Variants in ZFPM2 observed in about 807,000 individuals in gnomAD.
The protein encoded by ZFPM2 is zinc finger protein, FOG family member 2.
Under a neutral mutation model 98.6 loss-of-function variants are expected in ZFPM2, and 20 were observed. That is an observed-to-expected ratio of 0.20 (90% CI 0.14 to 0.29). The LOEUF (loss-of-function observed/expected upper bound fraction) is 0.29, where lower values mean the gene tolerates loss of function less well. ZFPM2 is among the 10% of genes least tolerant of loss of function. ZFPM2 has a pLI of 1.00. For synonymous variants in ZFPM2, 518 were observed against 502.7 expected, an observed-to-expected ratio of 1.03 and a Z score of -0.41; for missense variants, 1,310 against 1,388.6, an observed-to-expected ratio of 0.94 and a Z score of 0.90.
chr8:105,792,503 C>T (rs1410520824), intron 6 of ZFPM2, among the ~76,000 whole-genome samples: 1 of 152,154 alleles, frequency 6.6e-6, no homozygotes, highest in Non-Finnish European at 1.5e-5. Context: ...TAGAGCTTTA[C>T]TTCCAACTGT....
chr8:105,427,697 G>C (rs528280539), intron 2 of ZFPM2, among the ~76,000 whole-genome samples: 1 of 152,178 alleles, frequency 6.6e-6, no homozygotes, highest in Non-Finnish European at 1.5e-5. Context: ...ATGAATTTAA[G>C]TATAGTAATA....
intron 5 of ZFPM2, among the ~76,000 whole-genome samples, chr8:105,727,381 CATAA>C (rs969335035): frequency 6.2e-4 from 94 of 151,678 alleles, no homozygotes; most frequent in African/African-American, 2.0e-3. Flanking sequence ...TACATAAATA[CATAA>C]ATAAATAAAG....
chr8:105,757,942 C>T (rs1376273238), intron 5 of ZFPM2, among the ~76,000 whole-genome samples: 1 of 152,090 alleles, frequency 6.6e-6, no homozygotes, highest in African/African-American at 2.4e-5. Context: ...GCTTTTATAA[C>T]CATATCCACA....
intron 1 of ZFPM2, among the ~76,000 whole-genome samples, chr8:105,392,312 T>C (rs1229768353): frequency 3.9e-5 from 6 of 152,348 alleles, no homozygotes; most frequent in Non-Finnish European, 7.4e-5. Context: ...TCAGTGCTTT[T>C]ATCTATTCAT....
chr8:105,344,849 G>T (rs1241789336), intron 1 of ZFPM2, among the ~76,000 whole-genome samples: 1 of 152,030 alleles, frequency 6.6e-6, no homozygotes, highest in African/African-American at 2.4e-5. Context: ...TTTAGTTGAA[G>T]AAATCATTAA....
At chr8:105,436,922 A>G (rs80159929) in intron 2 of ZFPM2, among the ~76,000 whole-genome samples, 2,441 of 152,296 alleles carry the variant, frequency 0.016, 57 homozygotes, top group African/African-American at 0.056. Context: ...TACCTTATTC[A>G]TCTTTATGAT....
rs1427912137 is a variant in ZFPM2 at position 105,639,793 on chromosome 8, C to T, written c.532+5436C>T. Among the ~76,000 whole-genome samples the T allele has an allele frequency of 3.3e-5, 5 of 151,938 alleles. No homozygotes were observed. The East Asian group carries it at 5.8e-4, about 18-fold the overall frequency. On this transcript the variant is annotated intron_variant, in intron 5 of 7. Transcript: ENST00000407775. The stretch of plus-strand genomic sequence containing the variant: ...GCATATAGTGATATCGTATTTATAG[C>T]GAAGACTTCTACAAGTCTTATTCAG...
chr8:105,442,274 G>T (rs1488000346), intron 2 of ZFPM2, among the ~76,000 whole-genome samples: 1 of 152,114 alleles, frequency 6.6e-6, no homozygotes, highest in East Asian at 1.9e-4. Context: ...AACTCAGGAG[G>T]TGGAGCTTGC....
Position 105,370,301 on chromosome 8 carries a change from G to A in ZFPM2, c.41-48843G>A, listed in dbSNP as rs1294621153. On this transcript the variant is annotated intron_variant, in intron 1 of 7. Transcript: ENST00000407775. ...TCAATAAGTATTAGTTCTTTCTAAT[G>A]GATAGACATTTTTTAAGGGAGGTAA... is the stretch of plus-strand genomic sequence containing the variant. 2.6e-5 allele frequency among the ~76,000 whole-genome samples: 4 copies of A among 152,142 alleles called. No homozygotes were observed. The East Asian group carries it at 7.7e-4, about 29-fold the overall frequency.
At chr8:105,725,435 T>A (rs547538277) in intron 5 of ZFPM2, among the ~76,000 whole-genome samples, 5 of 151,918 alleles carry the variant, frequency 3.3e-5, no homozygotes, top group African/African-American at 1.2e-4. Flanking sequence ...CTGTTTAAAT[T>A]TACCCATTTT....
chr8:105,372,424 G>T (rs1563626335), intron 1 of ZFPM2, among the ~76,000 whole-genome samples: 1 of 152,126 alleles, frequency 6.6e-6, no homozygotes, highest in Non-Finnish European at 1.5e-5. Flanking sequence ...AAGGGTATGT[G>T]CATGTTTATT....
rs1191733681 is a variant in ZFPM2, at chr8:105,790,631, G to A, written c.739+1707G>A. On this transcript the variant is annotated intron_variant, in intron 6 of 7. Transcript: ENST00000407775. ...AGTAGTTTTTTCCAATTCTGTGAAG[G>A]AAGTCATTGGTAGCTTGATGGGGAT... Among the ~76,000 whole-genome samples the A allele has an allele frequency of 1.8e-4, 28 of 152,136 alleles. No individual in the cohort carries two copies. In the East Asian group the frequency reaches 3.7e-3, roughly 20 times the overall value.
intron 1 of ZFPM2, among the ~76,000 whole-genome samples, chr8:105,385,572 A>G (rs1465061458): frequency 6.6e-6 from 1 of 152,066 alleles, no homozygotes; most frequent in African/African-American, 2.4e-5. Flanking sequence ...AATTTACTTT[A>G]TCTGTCAGTA....
Position 105,783,141 on chromosome 8 carries a change from A to G in ZFPM2, c.533-5577A>G, listed in dbSNP as rs72606697. Among the ~76,000 whole-genome samples the G allele has an allele frequency of 4.0e-3, 599 of 150,924 alleles. 11 individuals carry two copies. In the East Asian group the frequency reaches 0.064, roughly 16 times the overall value. ...ATTTCACTAGGTACTTGAATTTCAA[A>G]TGGGGTTTGTTAAGTAGCTTTGCTA... On this transcript the variant is annotated intron_variant, in intron 5 of 7. Coordinates refer to ENST00000407775, the MANE Select transcript of ZFPM2 (RefSeq NM_012082.4).
At chr8:105,764,256 ACTCT>A (rs374233678) in intron 5 of ZFPM2, among the ~76,000 whole-genome samples, 47 of 144,032 alleles carry the variant, frequency 3.3e-4, no homozygotes, top group East Asian at 1.0e-3. Context: ...AAGGTTTAAA[ACTCT>A]CTCTCTCTTT....
intron 4 of ZFPM2, among the ~76,000 whole-genome samples, chr8:105,631,540 C>T (rs1170450845): frequency 3.3e-5 from 5 of 152,156 alleles, no homozygotes; most frequent in East Asian, 3.9e-4. Context: ...AAATCCTGCC[C>T]GAATGTTGCC....
At chr8:105,372,065 C>T (rs567075369) in intron 1 of ZFPM2, among the ~76,000 whole-genome samples, 19 of 150,446 alleles carry the variant, frequency 1.3e-4, no homozygotes, top group Admixed American at 6.6e-4. Flanking sequence ...TTTTTTGAGA[C>T]GGAGTCTTGC....
intron 5 of ZFPM2, among the ~76,000 whole-genome samples, chr8:105,698,685 C>T (rs1288853808): frequency 6.6e-6 from 1 of 152,078 alleles, no homozygotes. Context: ...AACAAAAAGA[C>T]TTTTGAAGAA....
chr8:105,468,894 T>C (rs1373174131), intron 3 of ZFPM2, among the ~76,000 whole-genome samples: 5 of 152,164 alleles, frequency 3.3e-5, no homozygotes, highest in African/African-American at 1.2e-4. Flanking sequence ...TCTAAAACTC[T>C]CCAGTCTTTG....
Sources: gnomAD v4.1 joint callset for allele counts (sites outside exome capture counted in the v4.1 genomes callset) on GRCh38, gnomAD v4.1.1 for gene constraint, MANE v1.5 for transcripts, NCBI Gene and HGNC (gene_info 2026-07-23, HGNC 2026-07-21) for gene names.